Variants in KDM6A observed in about 807,000 individuals in gnomAD.
The protein encoded by KDM6A is lysine-specific demethylase 6A.
KDM6A carries 11 observed loss-of-function variants against 117.6 expected under a neutral mutation model. The ratio of observed to expected loss-of-function variants is 0.09; its 90% confidence interval spans 0.06 to 0.15. KDM6A has a LOEUF of 0.15. Ranked by LOEUF, KDM6A falls within the 10% of genes least tolerant of loss-of-function variation. The pLI is 1.00. For missense variants in KDM6A, 799 were observed against 1,077.3 expected (o/e 0.74, Z 3.62); for synonymous variants, 384 against 396.1 (o/e 0.97, Z 0.36).
At chrX:45,094,451 A>G (rs959822276) in intron 27 of KDM6A, among the ~76,000 whole-genome samples, 2 of 111,826 alleles carry the variant, frequency 1.8e-5, no homozygotes, top group Non-Finnish European at 3.8e-5. Context: ...TTGCACCATG[A>G]GAAAGATGCC....
Position 44,961,430 on chromosome X carries a change from A to T in KDM6A, c.334+38A>T, listed in dbSNP as rs373564904. 1.3e-5 allele frequency: 11 copies of T among 878,790 alleles called. No homozygotes were observed. In the African/African-American group the frequency reaches 2.2e-4, roughly 17 times the overall value. The allele number at this position is 878,790 out of a possible 1,213,427, so 72.4% of individuals were successfully genotyped here. A position where few individuals can be genotyped will look rare whatever the true frequency, so the allele number is the denominator to read the frequency against. On this transcript the variant is annotated intron_variant, in intron 3 of 29. Coordinates refer to ENST00000611820, the MANE Select transcript of KDM6A (RefSeq NM_001291415.2). ...TTGTTCATTATTGTTTGATTTATAC[A>T]TGTGTTGGATTGTAATTATTTGTGC...
intron 4 of KDM6A, among the ~76,000 whole-genome samples, chrX:44,993,286 AT>A (rs1346408439): frequency 8.9e-6 from 1 of 112,063 alleles, no homozygotes; most frequent in African/African-American, 3.2e-5. Flanking sequence ...TCTTAATGAA[AT>A]TTTTTCACTT....
chrX:45,076,883 A>G (rs2045148759), intron 19 of KDM6A, 57 bp downstream of exon 19: 1 of 1,061,196 alleles, frequency 9.4e-7, no homozygotes, highest in African/African-American at 1.8e-5. Context: ...CCTGTCTTTC[A>G]TAAAATCTTT....
chrX:45,073,001 TCCCAATGCTATCCCTC>T (rs1265335518), intron 18 of KDM6A, among the ~76,000 whole-genome samples: 1 of 109,322 alleles, frequency 9.1e-6, no homozygotes, highest in Non-Finnish European at 1.9e-5. Context: ...TAGATATTTC[TCCCAATGCTATCCCTC>T]CCCCTGCCTT....
intron 16 of KDM6A, 67 bp downstream of exon 16, chrX:45,062,815 A>G: frequency 1.5e-6 from 1 of 662,273 alleles, no homozygotes; most frequent in East Asian, 3.3e-5. Flanking sequence ...CTCTAATGTC[A>G]TTTTAGAGCA....
At chrX:45,062,029 T>A (rs1033383794) in intron 15 of KDM6A, among the ~76,000 whole-genome samples, 1 of 110,454 alleles carries the variant, frequency 9.1e-6, no homozygotes, top group African/African-American at 3.3e-5. Context: ...TATTACTAAT[T>A]TCCTATCTAT....
chrX:45,069,946 A>G lies in KDM6A; in HGVS notation c.2447A>G (p.His816Arg), dbSNP rs772552174. ...MTADAVCSPS[H>R]GDSKSPGLLS... ...GCAGATGCTGTTTGCAGTCCTAGCCATGGAGATTCTAAGTCACCAGGTTTA... is the reference window on the plus strand; with the variant it reads ...GCAGATGCTGTTTGCAGTCCTAGCCGTGGAGATTCTAAGTCACCAGGTTTA... Residue 816 changes from histidine to arginine, a missense_variant, in exon 18 of 30, where the codon CAT becomes CGT. Physicochemically the swap from His to Arg is conservative, Grantham distance 29. Transcript: ENST00000611820. 7 of 1,211,917 alleles carry G rather than the reference A, an allele frequency of 5.8e-6. No individual in the cohort carries two copies. Among genetic ancestry groups the G allele is most frequent in the Non-Finnish European group, 7.8e-6 (7 of 895,521 alleles).
intron 2 of KDM6A, among the ~76,000 whole-genome samples, chrX:44,908,773 G>T (rs1246310869): frequency 8.9e-6 from 1 of 111,893 alleles, no homozygotes; most frequent in African/African-American, 3.3e-5. Context: ...TGACATGGGG[G>T]ATATTGTGGC....
intron 4 of KDM6A, among the ~76,000 whole-genome samples, chrX:44,975,937 C>T (rs1405917709): frequency 2.7e-5 from 3 of 112,299 alleles, no homozygotes; most frequent in African/African-American, 9.7e-5. Context: ...AGGGGAGGAT[C>T]CTGGCCTCTT....
chrX:44,965,456 C>T (rs2038959584), intron 3 of KDM6A, among the ~76,000 whole-genome samples: 2 of 111,819 alleles, frequency 1.8e-5, no homozygotes, highest in African/African-American at 6.5e-5. Flanking sequence ...GTGAGAGATG[C>T]GTAACTCTTT....
At chrX:45,008,750 A>G (rs1315570414) in intron 4 of KDM6A, among the ~76,000 whole-genome samples, 1 of 111,622 alleles carries the variant, frequency 9.0e-6, no homozygotes, top group Non-Finnish European at 1.9e-5. Context: ...TAGTAGATGA[A>G]TGATCCTGAT....
intron 2 of KDM6A, among the ~76,000 whole-genome samples, chrX:44,881,528 G>C (rs2032291073): frequency 9.0e-6 from 1 of 111,651 alleles, no homozygotes; most frequent in South Asian, 3.7e-4. Flanking sequence ...TAGACTGCTT[G>C]CAACTTTCTT....
intron 7 of KDM6A, among the ~76,000 whole-genome samples, chrX:45,037,267 T>G (rs1460114467): frequency 1.8e-5 from 2 of 112,325 alleles, no homozygotes; most frequent in African/African-American, 6.5e-5. Flanking sequence ...CTTTTTTGAC[T>G]TGGGATTCAG....
intron 5 of KDM6A, among the ~76,000 whole-genome samples, chrX:45,012,649 C>A (rs931986009): frequency 4.5e-4 from 50 of 111,303 alleles, no homozygotes; most frequent in African/African-American, 1.6e-3. Flanking sequence ...TATTGGGCAC[C>A]CTGAATACTT....
At chrX:45,053,447 CA>C in intron 9 of KDM6A, among the ~76,000 whole-genome samples, 1 of 111,628 alleles carries the variant, frequency 9.0e-6, no homozygotes. Context: ...AAACAAAAAA[CA>C]AAAAACACAC....
At chrX:44,916,661 AT>A (rs1266959197) in intron 2 of KDM6A, among the ~76,000 whole-genome samples, 1 of 109,907 alleles carries the variant, frequency 9.1e-6, no homozygotes, top group Admixed American at 9.8e-5. Context: ...TATTTTTTTT[AT>A]TTAGAGACCG....
At chrX:45,029,278 T>C (rs2042505113) in intron 6 of KDM6A, among the ~76,000 whole-genome samples, 1 of 109,959 alleles carries the variant, frequency 9.1e-6, no homozygotes, top group South Asian at 3.9e-4. Context: ...CTACTAAAAA[T>C]ACAAAAAATA....
At chrX:44,936,159 G>T (rs1831633405) in intron 2 of KDM6A, among the ~76,000 whole-genome samples, 1 of 111,589 alleles carries the variant, frequency 9.0e-6, no homozygotes, top group Non-Finnish European at 1.9e-5. Flanking sequence ...CCACCTTCTA[G>T]TGGCTGGTCT....
intron 2 of KDM6A, among the ~76,000 whole-genome samples, chrX:44,905,744 T>C (rs887506141): frequency 3.6e-5 from 4 of 112,578 alleles, no homozygotes; most frequent in African/African-American, 9.7e-5. Flanking sequence ...AAGATTGCTT[T>C]TTTAACTTCA....
Sources: gnomAD v4.1 joint callset for allele counts (sites outside exome capture counted in the v4.1 genomes callset) on GRCh38, gnomAD v4.1.1 for gene constraint, MANE v1.5 for transcripts, NCBI Gene and HGNC (gene_info 2026-07-23, HGNC 2026-07-21) for gene names.